Variants in ERI1 observed in about 807,000 individuals in gnomAD.
ERI1 encodes the protein exoribonuclease 1.
In ERI1, 39 loss-of-function variants were observed where a neutral mutation model predicts 39.7. The observed-to-expected ratio is 0.98, with a 90% CI of 0.76 to 1.28. The LOEUF (loss-of-function observed/expected upper bound fraction) is 1.28. Among genes scored for constraint, ERI1 ranks in the 50% most tolerant of loss-of-function variants. ERI1 has a pLI of 0.00. For missense variants in ERI1, 581 were observed against 416.9 expected (o/e 1.39, Z -3.43); for synonymous variants, 204 against 149.6 (o/e 1.36, Z -2.65).
intron 6 of ERI1, among the ~76,000 whole-genome samples, chr8:9,020,860 C>T (rs1817811328): frequency 6.6e-6 from 1 of 152,180 alleles, no homozygotes; most frequent in African/African-American, 2.4e-5. Context: ...TAGCCTTCAC[C>T]AGAACTGGTT....
intron 3 of ERI1, among the ~76,000 whole-genome samples, chr8:9,015,502 C>T (rs1371960008): frequency 6.6e-6 from 1 of 151,844 alleles, no homozygotes; most frequent in East Asian, 1.9e-4. Flanking sequence ...AAAATAAGAC[C>T]ATCGTGTCAG....
At chr8:9,008,261 C>T in intron 2 of ERI1, 113 bp downstream of exon 2, 2 of 929,604 alleles carry the variant, frequency 2.2e-6, no homozygotes, top group Non-Finnish European at 3.1e-6. Flanking sequence ...TGACATGATC[C>T]TATTAACAGT....
intron 3 of ERI1, among the ~76,000 whole-genome samples, chr8:9,065,148 C>T (rs1171965100): frequency 1.3e-5 from 2 of 152,170 alleles, no homozygotes; most frequent in African/African-American, 4.8e-5. Context: ...TGTGTACGTG[C>T]AGGCCACAGG....
intron 3 of ERI1, among the ~76,000 whole-genome samples, chr8:9,050,004 T>C (rs1798306160): frequency 6.6e-6 from 1 of 152,174 alleles, no homozygotes; most frequent in Admixed American, 6.5e-5. Flanking sequence ...CTCCCCATCA[T>C]ACAGGATTAC....
chr8:9,003,876 C>A (rs888696929), intron 1 of ERI1, among the ~76,000 whole-genome samples: 8 of 152,196 alleles, frequency 5.3e-5, no homozygotes, highest in African/African-American at 1.7e-4. Context: ...TCATAAAGTG[C>A]GTATTTGCAA....
chr8:9,014,011 C>G (rs558396613), intron 3 of ERI1, among the ~76,000 whole-genome samples: 2 of 152,272 alleles, frequency 1.3e-5, no homozygotes, highest in Non-Finnish European at 2.9e-5. Context: ...AAAAAACTGG[C>G]CAGAGTAATC....
chr8:9,054,918 ACT>A (rs967323063), intron 3 of ERI1, among the ~76,000 whole-genome samples: 7 of 152,328 alleles, frequency 4.6e-5, no homozygotes, highest in African/African-American at 1.7e-4. Flanking sequence ...ACAAAGCAAG[ACT>A]CTGTCTCAAA....
chr8:9,027,815 A>G (rs948909814), intron 6 of ERI1, among the ~76,000 whole-genome samples: 2 of 152,194 alleles, frequency 1.3e-5, no homozygotes, highest in South Asian at 2.1e-4. Context: ...TTGTATGTCT[A>G]TACTAATACC....
At chr8:9,020,818 CAAGACTTACAATGAATGG>C (rs955088482) in intron 6 of ERI1, among the ~76,000 whole-genome samples, 1 of 152,100 alleles carries the variant, frequency 6.6e-6, no homozygotes, top group Admixed American at 6.5e-5. Flanking sequence ...AATATTATTG[CAAGACTTACAATGAATGG>C]CAGTCTTCTG....
intron 3 of ERI1, among the ~76,000 whole-genome samples, chr8:9,059,667 G>A (rs566337687): frequency 2.6e-5 from 4 of 152,312 alleles, no homozygotes; most frequent in South Asian, 2.1e-4. Flanking sequence ...TACCTAGAGA[G>A]TGCCTAAGGA....
downstream of ERI1, among the ~76,000 whole-genome samples, chr8:9,037,494 G>A (rs183491364): frequency 6.7e-6 from 1 of 149,020 alleles, no homozygotes; most frequent in African/African-American, 2.5e-5. Context: ...GTACTGTATT[G>A]TTGGGTTTTT....
intron 3 of ERI1, among the ~76,000 whole-genome samples, chr8:9,014,456 C>T (rs1318826486): frequency 6.6e-6 from 1 of 152,204 alleles, no homozygotes; most frequent in Non-Finnish European, 1.5e-5. Flanking sequence ...GAGTCTCCTA[C>T]TTTATCTTCC....
chr8:9,051,588 C>T (rs916364037), intron 3 of ERI1, among the ~76,000 whole-genome samples: 3 of 151,408 alleles, frequency 2.0e-5, no homozygotes, highest in African/African-American at 7.3e-5. Context: ...ACCCAGGAGG[C>T]AGATGTTGCA....
rs1039863761 is a variant in ERI1 at position 9,031,063 on chromosome 8, T to G, written c.*1029T>G. 5 of 152,318 alleles carry G rather than the reference T, an allele frequency of 3.3e-5. No homozygotes were observed. Among genetic ancestry groups the G allele is most frequent in the Middle Eastern group, 3.4e-3 (1 of 294 alleles). 9.4% of individuals were successfully genotyped at this position (152,318 alleles called of 1,614,324 possible). On this transcript the variant is annotated 3_prime_UTR_variant, in exon 7 of 7. Coordinates refer to ENST00000250263, the MANE Select transcript of ERI1 (RefSeq NM_153332.4). ...AAATGTGCATTTCGACTTGATAAGG[T>G]AAAACTCTTATCTAGAGGCTAAACC...
chr8:9,076,287 A>G (rs1416851514), intron 3 of ERI1, among the ~76,000 whole-genome samples: 2 of 152,224 alleles, frequency 1.3e-5, no homozygotes, highest in Non-Finnish European at 1.5e-5. Flanking sequence ...CAAGCCATGT[A>G]TACACAGTTT....
At chr8:9,060,749 G>A (rs1363435725) in intron 3 of ERI1, among the ~76,000 whole-genome samples, 16 of 152,176 alleles carry the variant, frequency 1.1e-4, no homozygotes, top group African/African-American at 1.9e-4. Flanking sequence ...GAAACTGGCC[G>A]TGAAGGACAG....
intron 3 of ERI1, among the ~76,000 whole-genome samples, chr8:9,075,150 TCTGA>T (rs1799169173): frequency 1.3e-5 from 2 of 152,222 alleles, no homozygotes; most frequent in African/African-American, 4.8e-5. Flanking sequence ...TCTAAATGAA[TCTGA>T]CTATGTCTCC....
chr8:9,023,130 GA>G (rs1818094234), intron 6 of ERI1, among the ~76,000 whole-genome samples: 1 of 152,002 alleles, frequency 6.6e-6, no homozygotes, highest in African/African-American at 2.4e-5. Context: ...TTTAGTCTTT[GA>G]TATGTTTGGT....
chr8:9,064,591 G>C (rs569304133), intron 3 of ERI1, among the ~76,000 whole-genome samples: 2 of 152,316 alleles, frequency 1.3e-5, no homozygotes, highest in Admixed American at 6.5e-5. Context: ...AAAGGAGAAA[G>C]TGGTTGAGGG....
Sources: gnomAD v4.1 joint callset for allele counts (sites outside exome capture counted in the v4.1 genomes callset) on GRCh38, gnomAD v4.1.1 for gene constraint, MANE v1.5 for transcripts, NCBI Gene and HGNC (gene_info 2026-07-23, HGNC 2026-07-21) for gene names.